The following STXBP5L variants were observed in gnomAD, a reference collection of about 807,000 sequenced individuals.
STXBP5L encodes the protein syntaxin-binding protein 5-like.
A neutral mutation model predicts 144.5 loss-of-function variants in STXBP5L; 65 were observed. The observed-to-expected ratio is 0.45, with a 90% CI of 0.37 to 0.55. STXBP5L has a LOEUF of 0.55. STXBP5L is among the 20% of genes least tolerant of loss of function. STXBP5L has a pLI of 0.00. For missense variants in STXBP5L, 1,298 were observed against 1,405.5 expected, an observed-to-expected ratio of 0.92 and a Z score of 1.22; for synonymous variants, 505 against 469.6, an observed-to-expected ratio of 1.08 and a Z score of -0.97.
rs1019203418 is a variant in STXBP5L, at chr3:121,201,969, C to T, written c.878-3954C>T. ...CAGGGTTTCACCATGTTGGCCAGGCCGGTGTTGAACACCTGACCTCAGGTG... is the reference window on the plus strand; with the variant it reads ...CAGGGTTTCACCATGTTGGCCAGGCTGGTGTTGAACACCTGACCTCAGGTG... On this transcript the variant is annotated intron_variant, in intron 9 of 26. Transcript: ENST00000471454. 1.2e-4 allele frequency among the ~76,000 whole-genome samples: 19 copies of T among 152,068 alleles called. 1 individual carries two copies. The highest frequency in any genetic ancestry group is 7.2e-4 in the Admixed American group (11 of 15,256).
At chr3:120,960,327 C>T (rs1022492174) in intron 3 of STXBP5L, among the ~76,000 whole-genome samples, 104 of 152,130 alleles carry the variant, frequency 6.8e-4, no homozygotes, top group African/African-American at 2.4e-3. Context: ...TAAACTAGTT[C>T]AACCATTGTG....
intron 3 of STXBP5L, among the ~76,000 whole-genome samples, chr3:120,960,459 C>T (rs904116855): frequency 3.9e-5 from 6 of 152,170 alleles, no homozygotes; most frequent in South Asian, 2.1e-4. Flanking sequence ...CACATGCACA[C>T]GTATGTTTAT....
At chr3:120,951,813 C>T (rs761931579) in intron 2 of STXBP5L, among the ~76,000 whole-genome samples, 4 of 151,884 alleles carry the variant, frequency 2.6e-5, no homozygotes, top group Non-Finnish European at 4.4e-5. Flanking sequence ...GGGTATATAC[C>T]GAAAGGAGTA....
intron 7 of STXBP5L, among the ~76,000 whole-genome samples, chr3:121,125,726 A>G (rs182579926): frequency 2.4e-4 from 37 of 152,252 alleles, no homozygotes; most frequent in African/African-American, 8.2e-4. Context: ...TAATTGAGCT[A>G]TTCCCAGGTC....
chr3:121,350,365 G>A (rs1021073376), intron 20 of STXBP5L, among the ~76,000 whole-genome samples: 1 of 152,110 alleles, frequency 6.6e-6, no homozygotes, highest in East Asian at 1.9e-4. Context: ...TGGGTAACCC[G>A]ACCTTTGTCT....
intron 3 of STXBP5L, among the ~76,000 whole-genome samples, chr3:120,965,391 G>A (rs1449801744): frequency 6.6e-6 from 1 of 152,062 alleles, no homozygotes; most frequent in Non-Finnish European, 1.5e-5. Context: ...TTATAATTTG[G>A]CCTGTTTTTG....
At chr3:121,416,844 A>C (rs1348600163) in intron 25 of STXBP5L, among the ~76,000 whole-genome samples, 1 of 152,124 alleles carries the variant, frequency 6.6e-6, no homozygotes, top group Non-Finnish European at 1.5e-5. Context: ...ATACTAGGGA[A>C]AATTTTCAGA....
At chr3:121,059,083 T>A (rs1387085468) in intron 5 of STXBP5L, among the ~76,000 whole-genome samples, 1 of 152,234 alleles carries the variant, frequency 6.6e-6, no homozygotes, top group African/African-American at 2.4e-5. Flanking sequence ...CTAGATTTTC[T>A]TCTAGAGTTT....
intron 8 of STXBP5L, 32 bp downstream of exon 8, chr3:121,152,592 G>A (rs1280571858): frequency 6.8e-7 from 1 of 1,477,370 alleles, no homozygotes; most frequent in African/African-American, 1.4e-5. Flanking sequence ...GTTTGAAAGA[G>A]TATTGTGACG....
intron 20 of STXBP5L, among the ~76,000 whole-genome samples, chr3:121,324,058 A>G (rs2044065083): frequency 6.6e-6 from 1 of 152,142 alleles, no homozygotes; most frequent in South Asian, 2.1e-4. Context: ...ACCTGTGTAG[A>G]CATTCACCTT....
Position 121,053,750 on chromosome 3 carries a change from A to T in STXBP5L, c.470+8215A>T, listed in dbSNP as rs2107602779. ...AAAATTGACAAATGGCATCTAATTA[A>T]ACTAAAGAGCTTCTGCACAGCAAAA... On this transcript the variant is annotated intron_variant, in intron 5 of 26. Transcript: ENST00000471454. Among the ~76,000 whole-genome samples the T allele has an allele frequency of 2.0e-5, 3 of 152,338 alleles. 1 individual carries two copies. The South Asian group carries it at 6.2e-4, about 32-fold the overall frequency.
At chr3:121,353,838 C>G (rs2108619592) in intron 20 of STXBP5L, among the ~76,000 whole-genome samples, 1 of 152,214 alleles carries the variant, frequency 6.6e-6, no homozygotes, top group East Asian at 1.9e-4. Context: ...ACATTTCCCT[C>G]TACACACTGC....
chr3:121,066,362 G>GTATATATATATATACGTATATA (rs1491578511), intron 5 of STXBP5L, among the ~76,000 whole-genome samples: 1 of 146,136 alleles, frequency 6.8e-6, no homozygotes, highest in Admixed American at 6.8e-5. Context: ...TCCTATAAGC[G>GTATATATATATATACGTATATA]TATATATATA....
At chr3:121,363,615 T>C (rs982186810) in intron 20 of STXBP5L, among the ~76,000 whole-genome samples, 1 of 141,818 alleles carries the variant, frequency 7.1e-6, no homozygotes, top group Non-Finnish European at 1.6e-5. Context: ...ACACACCACA[T>C]CACCACTACC....
chr3:121,321,783 G>A (rs944070552), intron 20 of STXBP5L, among the ~76,000 whole-genome samples: 2 of 152,184 alleles, frequency 1.3e-5, no homozygotes, highest in African/African-American at 2.4e-5. Context: ...CTGAATAAAG[G>A]AGGTCAGGAA....
chr3:121,010,574 G>T (rs1379890181), intron 3 of STXBP5L, among the ~76,000 whole-genome samples: 1 of 151,576 alleles, frequency 6.6e-6, no homozygotes, highest in Non-Finnish European at 1.5e-5. Flanking sequence ...ACGGGGGTTA[G>T]GGGAACTGAT....
At chr3:121,322,476 C>CA (rs5852266) in intron 20 of STXBP5L, among the ~76,000 whole-genome samples, 55,654 of 128,290 alleles carry the variant, frequency 0.43, 12,260 homozygotes, top group East Asian at 0.71. Flanking sequence ...GAAACTGTGC[C>CA]AAAAAAAAAA....
intron 3 of STXBP5L, among the ~76,000 whole-genome samples, chr3:121,030,124 TC>T (rs1946261125): frequency 6.6e-6 from 1 of 152,188 alleles, no homozygotes; most frequent in African/African-American, 2.4e-5. Flanking sequence ...GTGTGATGAT[TC>T]CTCAAGGATC....
chr3:121,167,781 G>A (rs571967378), intron 9 of STXBP5L, among the ~76,000 whole-genome samples: 1 of 152,206 alleles, frequency 6.6e-6, no homozygotes, highest in Non-Finnish European at 1.5e-5. Flanking sequence ...ATCCCTGCCT[G>A]CTGACTCTGA....
Sources: allele counts gnomAD v4.1 joint callset (sites outside exome capture counted in the v4.1 genomes callset), GRCh38; gene constraint gnomAD v4.1.1; transcripts MANE v1.5; gene names NCBI Gene and HGNC (gene_info 2026-07-23, HGNC 2026-07-21).